The following SLC2A3 variants were observed in gnomAD, a reference collection of about 807,000 sequenced individuals.
The protein encoded by SLC2A3 is solute carrier family 2 member 3.
In SLC2A3, 21 loss-of-function variants were observed where a neutral mutation model predicts 46.4. That is an observed-to-expected ratio of 0.45 (90% CI 0.32 to 0.65). The LOEUF (loss-of-function observed/expected upper bound fraction) is 0.65, where lower values mean the gene tolerates loss of function less well. Ranked by LOEUF, SLC2A3 falls within the 30% of genes least tolerant of loss-of-function variation. The pLI is 0.04. For missense variants in SLC2A3, 499 were observed against 623.3 expected (o/e 0.80, Z 2.12); for synonymous variants, 213 against 239.4 (o/e 0.89, Z 1.02).
chr12:7,933,430 G>C (rs1207420183), intron 2 of SLC2A3: 1 of 511,460 alleles, frequency 2.0e-6, no homozygotes, highest in African/African-American at 1.9e-5. Flanking sequence ...GATAATACAG[G>C]ATGTGCATCA....
Position 7,923,092 on chromosome 12 carries a change from A to G in SLC2A3, c.1069-68T>C, listed in dbSNP as rs141502551. The G allele has an allele frequency of 2.5e-3, 3,574 of 1,436,266 alleles. 50 individuals carry two copies. In the African/African-American group the frequency reaches 0.042, roughly 17 times the overall value. The allele number at this position is 1,436,266 out of a possible 1,614,324, so 89.0% of individuals were successfully genotyped here. A position where few individuals can be genotyped will look rare whatever the true frequency, so the allele number is the denominator to read the frequency against. Reference sequence around the variant, plus strand: ...GTAACCTAGTATCTAGGTTCCCAGAAGCAATTAACGGCAAGCTCCTCCTGT... The same window carrying G: ...GTAACCTAGTATCTAGGTTCCCAGAGGCAATTAACGGCAAGCTCCTCCTGT... On this transcript the variant is annotated intron_variant, in intron 8 of 9. Coordinates refer to ENST00000075120, the MANE Select transcript of SLC2A3 (RefSeq NM_006931.3).
In SLC2A3 at chr12:7,921,315, C is replaced by A. The variant is rs1024925930; in HGVS notation, c.*98G>T. ...GGATGAGAAAGGAATTAAGTAGCAG[C>A]ATTCAGAAGCGTCCTGGGTTCATCC... On this transcript the variant is annotated 3_prime_UTR_variant, in exon 10 of 10. Transcript: ENST00000075120. 18 of 1,583,406 alleles carry A rather than the reference C, an allele frequency of 1.1e-5. No individual in the cohort carries two copies. The highest frequency in any genetic ancestry group is 1.5e-5 in the Non-Finnish European group (17 of 1,163,334).
chr12:7,930,070 C>G, intron 5 of SLC2A3, 199 bp from the exon 6 acceptor site: 1 of 1,156,854 alleles, frequency 8.6e-7, no homozygotes, highest in Non-Finnish European at 1.2e-6. Flanking sequence ...CCTGCAACCT[C>G]CACTTCCCGG....
chr12:7,933,928 G>A, intron 1 of SLC2A3, 26 bp from the exon 2 acceptor site: 1 of 1,599,136 alleles, frequency 6.3e-7, no homozygotes, highest in Non-Finnish European at 8.6e-7. Context: ...ACAGAGGAGA[G>A]AATAGTCCTT....
At position 7,923,037 on chromosome 12, in the gene SLC2A3, G is replaced by A. The variant is rs779201488; in HGVS notation, c.1069-13C>T. The A allele has an allele frequency of 1.2e-6, 2 of 1,603,402 alleles. No individual in the cohort carries two copies. The highest frequency in any genetic ancestry group is 1.1e-5 in the South Asian group (1 of 89,904). ...CATTATAGTTATCCTGTAAGAGCAA[G>A]GAACAGAGAAAATTAAATTTAAAGA... On this transcript the variant is annotated splice_polypyrimidine_tract_variant and intron_variant, in intron 8 of 9. Transcript: ENST00000075120.
chr12:7,923,076 T>G (rs758317489), intron 8 of SLC2A3, 52 bp from the exon 9 acceptor site: 31 of 1,506,934 alleles, frequency 2.1e-5, no homozygotes, highest in Non-Finnish European at 2.8e-5. Flanking sequence ...TGTAACCTAG[T>G]ATCTAGGTTC....
At chr12:7,926,016 T>C in intron 6 of SLC2A3, 68 bp from the exon 7 acceptor site, 1 of 1,383,686 alleles carries the variant, frequency 7.2e-7, no homozygotes, top group South Asian at 1.2e-5. Context: ...CCCTCAAAAA[T>C]AAACTTAAAA....
intron 2 of SLC2A3, chr12:7,933,447 G>C (rs760792570): frequency 2.1e-6 from 1 of 487,030 alleles, no homozygotes; most frequent in Non-Finnish European, 3.7e-6. Flanking sequence ...ATCACTATGA[G>C]GTGAAAGAGT....
chr12:7,925,670 A>G, intron 7 of SLC2A3, 174 bp downstream of exon 7: 1 of 585,968 alleles, frequency 1.7e-6, no homozygotes, highest in Non-Finnish European at 3.0e-6. Context: ...CATCCATCCC[A>G]TATTTGCTTG....
At position 7,929,782 on chromosome 12, in the gene SLC2A3, C is replaced by T. The variant is rs1254450456; in HGVS notation, c.763G>A (p.Val255Ile). The change falls in exon 6 of 10, where the codon GTC becomes ATC. Residue 255 changes from valine to isoleucine, a missense_variant. Coordinates refer to ENST00000075120, the MANE Select transcript of SLC2A3 (RefSeq NM_006931.3). ...ESARMSQEKQVTVLELFRVSS... is the reference protein window; with the variant it reads ...ESARMSQEKQITVLELFRVSS... ...ACTCTAAAGAGCTCTAGCACGGTGACTTGCTTTTCTTGTGACATCCTTGCA... is the reference window on the plus strand; with the variant it reads ...ACTCTAAAGAGCTCTAGCACGGTGATTTGCTTTTCTTGTGACATCCTTGCA... 6.2e-7 allele frequency: 1 copy of T among 1,613,728 alleles called. No homozygotes were observed. The highest frequency in any genetic ancestry group is 8.5e-7 in the Non-Finnish European group (1 of 1,179,752).
rs753491942 is a variant in SLC2A3 at position 7,933,921 on chromosome 12, G to A, written c.16-19C>T. The A allele has an allele frequency of 6.2e-7, 1 of 1,607,106 alleles. No individual in the cohort carries two copies. Among genetic ancestry groups the A allele is most frequent in the Non-Finnish European group, 8.5e-7 (1 of 1,174,120 alleles). On this transcript the variant is annotated intron_variant, in intron 1 of 9. Transcript: ENST00000075120. The stretch of plus-strand genomic sequence containing the variant: ...GGGTGACCTGGAGGGAGGGAAGACA[G>A]AGGAGAGAATAGTCCTTAAAACTTG...
At chr12:7,927,738 C>T (rs1192412161) in intron 6 of SLC2A3, among the ~76,000 whole-genome samples, 1 of 152,000 alleles carries the variant, frequency 6.6e-6, no homozygotes, top group Non-Finnish European at 1.5e-5. Context: ...ATACCTAGCG[C>T]AAAATCTACT....
intron 7 of SLC2A3, 151 bp downstream of exon 7, chr12:7,925,693 T>C (rs751568395): frequency 2.5e-5 from 16 of 638,882 alleles, no homozygotes; most frequent in Non-Finnish European, 3.9e-5. Flanking sequence ...GAGTGAAGAC[T>C]ACATCCAACA....
intron 1 of SLC2A3, among the ~76,000 whole-genome samples, 179 bp downstream of exon 1, chr12:7,935,840 TG>T (rs1946207417): frequency 6.6e-6 from 1 of 152,128 alleles, no homozygotes; most frequent in South Asian, 2.1e-4. Flanking sequence ...TGAACAGAAC[TG>T]TATGACATTC....
chr12:7,934,320 A>G (rs1946190659), intron 1 of SLC2A3, among the ~76,000 whole-genome samples: 1 of 151,896 alleles, frequency 6.6e-6, no homozygotes. Flanking sequence ...TGTACCCCAG[A>G]CTCCACGGAA....
intron 3 of SLC2A3, among the ~76,000 whole-genome samples, chr12:7,931,708 C>T (rs1006057386): frequency 1.3e-5 from 2 of 151,746 alleles, no homozygotes; most frequent in African/African-American, 2.4e-5. Context: ...GGTCGGAGGT[C>T]GAAGCTGTAG....
In SLC2A3 at chr12:7,924,291, T is replaced by G; in HGVS notation, c.1068+119A>C. On this transcript the variant is annotated intron_variant, in intron 8 of 9. Coordinates refer to ENST00000075120, the MANE Select transcript of SLC2A3 (RefSeq NM_006931.3). ...TTTCTTAAACTCTGGGCATCCTGCT[T>G]CTCTCCTCTGACTTTATTGACAAAC... The G allele has an allele frequency of 2.6e-6, 4 of 1,530,656 alleles. No individual in the cohort carries two copies. In the South Asian group the frequency reaches 4.8e-5, roughly 18 times the overall value. The allele number at this position is 1,530,656 out of a possible 1,614,324, so 94.8% of individuals were successfully genotyped here.
rs200481428 is a variant in SLC2A3, at chr12:7,929,862, C to T, written c.683G>A (p.Arg228Gln). Residue 228 changes from arginine (R) to glutamine (Q), a missense_variant, in exon 6 of 10, where the codon CGG (arginine) becomes CAG (glutamine). Physicochemically the swap from Arg to Gln is conservative, Grantham distance 43 (BLOSUM62 1). This residue lies in a region of SLC2A3 where 248 missense variants were observed against 284.0 expected (regional missense o/e 0.87). Coordinates refer to ENST00000075120, the MANE Select transcript of SLC2A3 (RefSeq NM_006931.3). Reference protein sequence around the residue: ...EEENAKQILQRLWGTQDVSQD... With the variant: ...EEENAKQILQQLWGTQDVSQD... ...GGATACATCCTGGGTGCCCCACAAC[C>T]GCTGGAGGACTGGTGAAAAGAAGAA... 4.2e-5 allele frequency: 67 copies of T among 1,613,724 alleles called. No individual in the cohort carries two copies. The highest frequency in any genetic ancestry group is 1.7e-4 in the Middle Eastern group (1 of 6,054).
chr12:7,933,196 A>T (rs1199840923), intron 2 of SLC2A3, 49 bp from the exon 3 acceptor site: 1 of 1,587,006 alleles, frequency 6.3e-7, no homozygotes, highest in Non-Finnish European at 8.6e-7. Context: ...CAGTTGGATG[A>T]GAACAAAAGA....
Sources: allele counts gnomAD v4.1 joint callset (sites outside exome capture counted in the v4.1 genomes callset), GRCh38; gene constraint gnomAD v4.1.1; regional missense constraint gnomAD v4.1.1; transcripts MANE v1.5; gene names NCBI Gene and HGNC (gene_info 2026-07-23, HGNC 2026-07-21).